MDGA2: variants seen among roughly 807,000 people sequenced by gnomAD.
The protein encoded by MDGA2 is MAM domain containing glycosylphosphatidylinositol anchor 2, also known as MAM domain-containing glycosylphosphatidylinositol anchor protein 2.
In MDGA2, 40 loss-of-function variants were observed where a neutral mutation model predicts 117.8. That is an observed-to-expected ratio of 0.34 (90% CI 0.26 to 0.44). The LOEUF (loss-of-function observed/expected upper bound fraction) is 0.44. MDGA2 is among the 20% of genes least tolerant of loss of function. MDGA2 has a pLI of 1.00. For missense variants in MDGA2, 1,123 were observed against 1,250.6 expected, an observed-to-expected ratio of 0.90 and a Z score of 1.54; for synonymous variants, 452 against 439.0, an observed-to-expected ratio of 1.03 and a Z score of -0.37.
chr14:46,908,683 T>C (rs1304652240), intron 10 of MDGA2, among the ~76,000 whole-genome samples: 1 of 152,194 alleles, frequency 6.6e-6, no homozygotes, highest in Non-Finnish European at 1.5e-5. Flanking sequence ...TTCTAATTTC[T>C]TACTCCTGAA....
chr14:47,608,017 G>T (rs1955794), intron 1 of MDGA2, among the ~76,000 whole-genome samples: 1 of 151,636 alleles, frequency 6.6e-6, no homozygotes, highest in Non-Finnish European at 1.5e-5. Flanking sequence ...AGCTCTAAAA[G>T]ACTTGTCATT....
intron 1 of MDGA2, among the ~76,000 whole-genome samples, chr14:47,339,020 T>C (rs1890541626): frequency 6.6e-6 from 1 of 152,062 alleles, no homozygotes; most frequent in South Asian, 2.1e-4. Context: ...CTATTAAGTA[T>C]TTAGAAAGAA....
intron 1 of MDGA2, among the ~76,000 whole-genome samples, chr14:47,314,382 T>C (rs1256007984): frequency 6.6e-6 from 1 of 152,150 alleles, no homozygotes; most frequent in African/African-American, 2.4e-5. Context: ...AAAATTTTTT[T>C]CTTAAAACAT....
rs532980401 is a variant in MDGA2, at chr14:46,858,219, T to A, written c.2753-3065A>T. The stretch of plus-strand genomic sequence containing the variant: ...TTTTTCTGTCATCTCCAGTCTTCTG[T>A]TAAGCCCACCCAGTAAATTTTTTTG... On this transcript the variant is annotated intron_variant, in intron 14 of 16. Transcript: ENST00000399232. 1.3e-5 allele frequency among the ~76,000 whole-genome samples: 2 copies of A among 151,340 alleles called. 1 individual carries two copies. Among genetic ancestry groups the A allele is most frequent in the South Asian group, 4.2e-4 (2 of 4,818 alleles).
chr14:47,071,408 C>T (rs1890276694), intron 6 of MDGA2, among the ~76,000 whole-genome samples: 2 of 151,984 alleles, frequency 1.3e-5, no homozygotes, highest in African/African-American at 4.8e-5. Flanking sequence ...AGACTCAAAA[C>T]TAAATAAATT....
chr14:46,996,461 C>G (rs1887295502), intron 8 of MDGA2: 1 of 152,222 alleles, frequency 6.6e-6, no homozygotes, highest in South Asian at 2.1e-4. Context: ...GTGCAGAGTC[C>G]TCTGGGGCTT....
intron 1 of MDGA2, among the ~76,000 whole-genome samples, chr14:47,378,507 T>C (rs568321600): frequency 1.6e-4 from 24 of 152,232 alleles, no homozygotes; most frequent in Middle Eastern, 3.4e-3. Flanking sequence ...ATAAACAGTA[T>C]AGAGAAGAGC....
intron 15 of MDGA2, among the ~76,000 whole-genome samples, chr14:46,848,096 T>A (rs1188343099): frequency 6.6e-6 from 1 of 151,894 alleles, no homozygotes; most frequent in Non-Finnish European, 1.5e-5. Context: ...GGAAGTGAGA[T>A]GTGGTGAAGA....
intron 1 of MDGA2, among the ~76,000 whole-genome samples, chr14:47,558,903 C>T (rs1468452383): frequency 1.3e-5 from 2 of 151,978 alleles, no homozygotes; most frequent in Non-Finnish European, 2.9e-5. Flanking sequence ...GTAAAATAGG[C>T]AGCTATAATC....
At chr14:47,589,249 A>G (rs535987010) in intron 1 of MDGA2, among the ~76,000 whole-genome samples, 1 of 152,030 alleles carries the variant, frequency 6.6e-6, no homozygotes, top group Non-Finnish European at 1.5e-5. Context: ...CTAAGAAATC[A>G]TTGCCTAACC....
At chr14:46,853,275 G>A (rs994071386) in intron 15 of MDGA2, among the ~76,000 whole-genome samples, 1 of 151,542 alleles carries the variant, frequency 6.6e-6, no homozygotes, top group South Asian at 2.1e-4. Context: ...AACATAAATA[G>A]AAAAAAATGA....
At chr14:46,924,657 A>T (rs1007916845) in intron 9 of MDGA2, among the ~76,000 whole-genome samples, 2 of 151,992 alleles carry the variant, frequency 1.3e-5, no homozygotes, top group Admixed American at 1.3e-4. Context: ...AAATGAGCCC[A>T]TTTTATTATC....
chr14:47,172,986 G>A (rs1884233803), intron 3 of MDGA2, among the ~76,000 whole-genome samples: 1 of 152,168 alleles, frequency 6.6e-6, no homozygotes, highest in African/African-American at 2.4e-5. Context: ...CAAGGCTCGA[G>A]AACTATGTGA....
At chr14:47,647,689 C>T (rs533261053) in intron 1 of MDGA2, among the ~76,000 whole-genome samples, 1 of 152,136 alleles carries the variant, frequency 6.6e-6, no homozygotes, top group South Asian at 2.1e-4. Flanking sequence ...TTTTCGCCTA[C>T]CACAAAATAA....
intron 1 of MDGA2, among the ~76,000 whole-genome samples, chr14:47,380,840 A>G (rs1371365163): frequency 6.6e-6 from 1 of 152,050 alleles, no homozygotes; most frequent in Non-Finnish European, 1.5e-5. Flanking sequence ...AAAAAGAGGG[A>G]ATCCTCCCTA....
chr14:47,041,169 T>C (rs550113045), intron 7 of MDGA2, among the ~76,000 whole-genome samples: 27 of 152,218 alleles, frequency 1.8e-4, no homozygotes, highest in African/African-American at 6.5e-4. Context: ...TTGAGATGTG[T>C]GGGTGTGTGA....
At position 47,498,436 on chromosome 14, in the gene MDGA2, A is replaced by G. The variant is rs76706585; in HGVS notation, c.280+176081T>C. ...AAGCTGTTACTGGAACAAGGCAGGCATAGAAGATCTTGATTTTTGCTGTTA... is the reference window on the plus strand; with the variant it reads ...AAGCTGTTACTGGAACAAGGCAGGCGTAGAAGATCTTGATTTTTGCTGTTA... On this transcript the variant is annotated intron_variant, in intron 1 of 16. Transcript: ENST00000399232. Among the ~76,000 whole-genome samples the G allele has an allele frequency of 4.5e-3, 682 of 152,282 alleles. 3 individuals carry two copies. Among genetic ancestry groups the G allele is most frequent in the African/African-American group, 0.015 (637 of 41,564 alleles).
chr14:47,510,890 C>T (rs906399403), intron 1 of MDGA2, among the ~76,000 whole-genome samples: 1 of 152,178 alleles, frequency 6.6e-6, no homozygotes, highest in Non-Finnish European at 1.5e-5. Context: ...TGCTTTGCTC[C>T]CATAGTGTGG....
chr14:47,281,806 C>T (rs527326825), intron 2 of MDGA2, among the ~76,000 whole-genome samples: 2 of 152,100 alleles, frequency 1.3e-5, no homozygotes, highest in African/African-American at 4.8e-5. Flanking sequence ...CCTGTAATCC[C>T]AGCACTTTGG....
Sources: gnomAD v4.1 joint callset for allele counts (sites outside exome capture counted in the v4.1 genomes callset) on GRCh38, gnomAD v4.1.1 for gene constraint, MANE v1.5 for transcripts, NCBI Gene and HGNC (gene_info 2026-07-23, HGNC 2026-07-21) for gene names.